DRD3: variants seen among roughly 807,000 people sequenced by gnomAD.
DRD3 encodes dopamine receptor D3, also known as D(3) dopamine receptor.
Under a neutral mutation model 36.3 loss-of-function variants are expected in DRD3, and 19 were observed. That is an observed-to-expected ratio of 0.52 (90% CI 0.36 to 0.77). The LOEUF is 0.77. Ranked by LOEUF, DRD3 falls within the 30% of genes least tolerant of loss-of-function variation. The pLI, the probability that DRD3 is intolerant of heterozygous loss-of-function variation, is 0.00. For missense variants in DRD3, 465 were observed against 505.3 expected (o/e 0.92, Z 0.77); for synonymous variants, 195 against 203.7 (o/e 0.96, Z 0.36).
chr3:114,128,620 C>T lies in DRD3; in HGVS notation c.*96G>A, dbSNP rs1339138569. 3 of 1,259,298 alleles carry T rather than the reference C, an allele frequency of 2.4e-6. No homozygotes were observed. Among genetic ancestry groups the T allele is most frequent in the Admixed American group, 2.6e-5 (1 of 38,092 alleles). The allele number at this position is 1,259,298 out of a possible 1,614,324, so 78.0% of individuals were successfully genotyped here. On this transcript the variant is annotated 3_prime_UTR_variant, in exon 7 of 7. Transcript: ENST00000383673. ...CATCCTGGCTCCAGGAATCTTCTTC[C>T]TACTGCATGCCGGAGGACACTGCAC...
intron 6 of DRD3, among the ~76,000 whole-genome samples, chr3:114,130,812 G>A (rs1001231281): frequency 1.3e-5 from 2 of 152,100 alleles, no homozygotes; most frequent in Non-Finnish European, 2.9e-5. Context: ...CTAAGCATTT[G>A]TTAAATATCC....
intron 6 of DRD3, among the ~76,000 whole-genome samples, chr3:114,129,665 G>T (rs1203744884): frequency 6.6e-6 from 1 of 152,208 alleles, no homozygotes; most frequent in Non-Finnish European, 1.5e-5. Flanking sequence ...CCCTGATACA[G>T]GAGAGAGTTG....
Position 114,139,443 on chromosome 3 carries a change from G to C in DRD3, c.723+57C>G. ...CAAAATCATGCACTGCTGGACACAG[G>C]CTGGGAAGTCAGGAGATTGGGTGTT... On this transcript the variant is annotated intron_variant, in intron 5 of 6. Coordinates refer to ENST00000383673, the MANE Select transcript of DRD3 (RefSeq NM_000796.6). 4 of 1,542,480 alleles carry C rather than the reference G, an allele frequency of 2.6e-6. No homozygotes were observed. The Admixed American group carries it at 5.2e-5, about 20-fold the overall frequency.
At position 114,190,440 on chromosome 3, in the gene DRD3, AT is replaced by A. The variant is rs2078001455; in HGVS notation, c.-156+8832del. ...TATATATATATATATATATATATAT[AT>A]ATATATATATATATATATATATTTT... On this transcript the variant is annotated intron_variant, in intron 1 of 7. Transcript: ENST00000460779. Among the ~76,000 whole-genome samples the A allele has an allele frequency of 8.0e-4, 8 of 9,982 alleles. 1 individual carries two copies. Among genetic ancestry groups the A allele is most frequent in the African/African-American group, 2.6e-3 (6 of 2,326 alleles). 6.5% of individuals were successfully genotyped at this position (9,982 alleles called of 152,430 possible).
chr3:114,194,487 T>C (rs1042519599), intron 1 of DRD3, among the ~76,000 whole-genome samples: 6 of 152,158 alleles, frequency 3.9e-5, no homozygotes, highest in Non-Finnish European at 7.4e-5. Context: ...TTTACCATGT[T>C]GGCCAGGCTG....
chr3:114,156,783 CTTTCTTTCTTTCTT>C (rs2077679299), intron 3 of DRD3, among the ~76,000 whole-genome samples: 2 of 74,432 alleles, frequency 2.7e-5, no homozygotes, highest in South Asian at 4.4e-4. Context: ...TTCTTTCTTT[CTTTCTTTCTTTCTT>C]TCTCTTTTCT....
chr3:114,128,855 C>T lies in DRD3; in HGVS notation c.1064G>A (p.Cys355Tyr), dbSNP rs1018493273. ...FFLTHVLNTH[C>Y]QTCHVSPELY... ...CTCTGGGGACACGTGGCATGTCTGG[C>T]AGTGGGTATTGAGAACATGGGTCAA... is the stretch of plus-strand genomic sequence containing the variant. The change falls in exon 7 of 7, where the codon TGC (cysteine) becomes TAC (tyrosine). Residue 355 changes from cysteine to tyrosine, a missense_variant. Physicochemically the swap from Cys to Tyr is radical, Grantham distance 194. Coordinates refer to ENST00000383673, the MANE Select transcript of DRD3 (RefSeq NM_000796.6). The T allele has an allele frequency of 1.2e-6, 2 of 1,613,306 alleles. No individual in the cohort carries two copies. Among genetic ancestry groups the T allele is most frequent in the African/African-American group, 2.7e-5 (2 of 74,830 alleles).
At position 114,131,163 on chromosome 3, in the gene DRD3, G is replaced by A; in HGVS notation, c.961C>T (p.Pro321Ser). 6.2e-7 allele frequency: 1 copy of A among 1,614,140 alleles called. No individual in the cohort carries two copies. Among genetic ancestry groups the A allele is most frequent in the Admixed American group, 1.7e-5 (1 of 60,022 alleles). The stretch of plus-strand genomic sequence containing the variant: ...TGGGTTGCCTTCTTCTCCCGAAGTG[G>A]CACTCCCCGAGGTTGCAGGGGCCCC... ...KLGPLQPRGV[P>S]LREKKATQMV... Residue 321 changes from proline (P) to serine (S), a missense_variant, in exon 6 of 7, where the codon CCA (proline) becomes TCA (serine). Physicochemically the swap from Pro to Ser is moderately conservative, Grantham distance 74. Transcript: ENST00000383673.
intron 3 of DRD3, among the ~76,000 whole-genome samples, chr3:114,148,324 G>C (rs943635305): frequency 1.3e-5 from 2 of 152,234 alleles, no homozygotes; most frequent in South Asian, 2.1e-4. Flanking sequence ...CCTCCTGCTT[G>C]TATCCTAATA....
intron 5 of DRD3, among the ~76,000 whole-genome samples, chr3:114,137,968 C>A (rs111976689): frequency 0.036 from 4,842 of 136,338 alleles, 92 homozygotes; most frequent in South Asian, 0.065. Context: ...ACTGCACTCC[C>A]GCCTGGGCCA....
At chr3:114,169,564 G>A (rs1441981094) in intron 2 of DRD3, among the ~76,000 whole-genome samples, 2 of 151,946 alleles carry the variant, frequency 1.3e-5, no homozygotes, top group Non-Finnish European at 2.9e-5. Flanking sequence ...TGGACAGAGG[G>A]CATAGTATTA....
At chr3:114,188,210 CTTTTTTTT>C (rs57147337) in intron 1 of DRD3, among the ~76,000 whole-genome samples, 3 of 122,890 alleles carry the variant, frequency 2.4e-5, no homozygotes, top group Admixed American at 8.3e-5. Flanking sequence ...CTTTTTTTCC[CTTTTTTTT>C]TTTTTTTTTT....
intron 1 of DRD3, among the ~76,000 whole-genome samples, chr3:114,174,106 CAT>C (rs1249791324): frequency 1.3e-5 from 2 of 152,292 alleles, no homozygotes; most frequent in South Asian, 2.1e-4. Context: ...TATTTTAAAA[CAT>C]AATAATAATT....
chr3:114,173,653 G>A (rs2077868800), intron 1 of DRD3, among the ~76,000 whole-genome samples: 1 of 152,190 alleles, frequency 6.6e-6, no homozygotes, highest in Non-Finnish European at 1.5e-5. Flanking sequence ...AGCTTCTCCT[G>A]TATGATCACA....
intron 1 of DRD3, among the ~76,000 whole-genome samples, chr3:114,174,628 C>T (rs981041973): frequency 6.6e-6 from 1 of 151,888 alleles, no homozygotes; most frequent in Admixed American, 6.5e-5. Flanking sequence ...TGGGTTAAAC[C>T]GTGATTGTTC....
chr3:114,140,454 C>T (rs1207271360), intron 4 of DRD3, among the ~76,000 whole-genome samples: 4 of 152,084 alleles, frequency 2.6e-5, no homozygotes, highest in African/African-American at 9.7e-5. Context: ...CTCCAAGGCC[C>T]AAGATGGGCC....
At position 114,149,838 on chromosome 3, in the gene DRD3, G is replaced by T. The variant is rs368117032; in HGVS notation, c.384-2281C>A. Among the ~76,000 whole-genome samples, 105 of 152,316 alleles carry T rather than the reference G, an allele frequency of 6.9e-4. 1 individual carries two copies. The highest frequency in any genetic ancestry group is 2.4e-3 in the African/African-American group (99 of 41,560). ...AAGTAGAGACCTCAGTCCTGCAACT[G>T]CAAGGAACTGAATACTCCTAACAAC... is the stretch of plus-strand genomic sequence containing the variant. On this transcript the variant is annotated intron_variant, in intron 3 of 6. Transcript: ENST00000383673.
At chr3:114,170,887 A>T (rs2077833525) in intron 2 of DRD3, among the ~76,000 whole-genome samples, 1 of 152,084 alleles carries the variant, frequency 6.6e-6, no homozygotes, top group Non-Finnish European at 1.5e-5. Flanking sequence ...AGGTTTTTTT[A>T]AAAAAACATA....
At chr3:114,137,554 G>A (rs186634495) in intron 5 of DRD3, among the ~76,000 whole-genome samples, 159 of 152,262 alleles carry the variant, frequency 1.0e-3, no homozygotes, top group African/African-American at 3.6e-3. Flanking sequence ...GGTCATCAGA[G>A]ATAATGTAGG....
Sources: gnomAD v4.1 joint callset for allele counts (sites outside exome capture counted in the v4.1 genomes callset) on GRCh38, gnomAD v4.1.1 for gene constraint, MANE v1.5 for transcripts, NCBI Gene and HGNC (gene_info 2026-07-23, HGNC 2026-07-21) for gene names.